THADA: variants seen among roughly 807,000 people sequenced by gnomAD.
THADA encodes tRNA (32-2'-O)-methyltransferase regulator THADA.
THADA carries 213 observed loss-of-function variants against 219.8 expected under a neutral mutation model. The observed-to-expected ratio is 0.97, with a 90% CI of 0.87 to 1.09. THADA has a LOEUF of 1.09. Ranked by LOEUF, THADA falls within the 50% of genes least tolerant of loss-of-function variation. The pLI is 0.00. For missense variants in THADA, 2,956 were observed against 2,311.3 expected (o/e 1.28, Z -5.72); for synonymous variants, 1,018 against 828.9 (o/e 1.23, Z -3.92).
At chr2:43,525,762 T>A (rs1002600084) in intron 22 of THADA, among the ~76,000 whole-genome samples, 5 of 152,132 alleles carry the variant, frequency 3.3e-5, no homozygotes, top group African/African-American at 1.2e-4. Flanking sequence ...TGTAATAAAA[T>A]GTGTCCACAG....
intron 17 of THADA, 87 bp downstream of exon 17, chr2:43,556,258 A>C (rs1419059026): frequency 6.5e-7 from 1 of 1,535,622 alleles, no homozygotes; most frequent in East Asian, 2.3e-5. Flanking sequence ...AAAACCACAA[A>C]ATATATGTTT....
chr2:43,279,712 C>T, intron 36 of THADA, 53 bp downstream of exon 36: 1 of 1,510,298 alleles, frequency 6.6e-7, no homozygotes, highest in Non-Finnish European at 8.8e-7. Flanking sequence ...GAAAAGTGTT[C>T]CAACCTCTAT....
intron 21 of THADA, among the ~76,000 whole-genome samples, chr2:43,529,528 A>G (rs1693602589): frequency 6.6e-6 from 1 of 152,186 alleles, no homozygotes; most frequent in African/African-American, 2.4e-5. Flanking sequence ...ATTTATTTTA[A>G]AGAAAACAAA....
At chr2:43,233,649 G>C (rs376491332) in intron 36 of THADA, among the ~76,000 whole-genome samples, 2 of 152,120 alleles carry the variant, frequency 1.3e-5, no homozygotes. Flanking sequence ...GGCACTGAAA[G>C]AATAGAAGGG....
At chr2:43,280,969 G>A (rs1341289541) in intron 35 of THADA, among the ~76,000 whole-genome samples, 1 of 152,240 alleles carries the variant, frequency 6.6e-6, no homozygotes, top group African/African-American at 2.4e-5. Flanking sequence ...AAAGTGAGAG[G>A]TGAGCATGGC....
At chr2:43,330,404 T>C (rs1019971876) in intron 30 of THADA, among the ~76,000 whole-genome samples, 6 of 152,138 alleles carry the variant, frequency 3.9e-5, no homozygotes, top group African/African-American at 1.4e-4. Context: ...TCCAAGATGC[T>C]CCCTTGGCCC....
intron 29 of THADA, among the ~76,000 whole-genome samples, chr2:43,351,524 T>C (rs72879218): frequency 0.019 from 2,831 of 152,324 alleles, 43 homozygotes; most frequent in African/African-American, 0.047. Flanking sequence ...TAAAACTCAC[T>C]GTTTTTCTCT....
At chr2:43,566,541 C>T in intron 15 of THADA, 157 bp downstream of exon 15, 1 of 851,398 alleles carries the variant, frequency 1.2e-6, no homozygotes, top group Non-Finnish European at 2.0e-6. Flanking sequence ...CTGTCCTTTA[C>T]TAGCAAATTT....
intron 29 of THADA, among the ~76,000 whole-genome samples, chr2:43,383,794 C>G (rs534663966): frequency 6.6e-6 from 1 of 152,232 alleles, no homozygotes; most frequent in Middle Eastern, 3.4e-3. Flanking sequence ...TAACACTCCA[C>G]AGCAACCTAT....
intron 31 of THADA, among the ~76,000 whole-genome samples, chr2:43,311,771 T>G (rs1262532349): frequency 1.3e-5 from 2 of 152,258 alleles, no homozygotes; most frequent in Admixed American, 1.3e-4. Context: ...AAGGTATGAT[T>G]CCATTTACAT....
intron 29 of THADA, among the ~76,000 whole-genome samples, chr2:43,381,166 C>T (rs74830312): frequency 0.02 from 2,930 of 148,560 alleles, 87 homozygotes; most frequent in African/African-American, 0.066. Context: ...ATGTCAAAGG[C>T]ACCCAGGAGC....
intron 29 of THADA, 143 bp from the exon 30 acceptor site, chr2:43,344,380 A>G: frequency 6.7e-6 from 4 of 598,192 alleles, no homozygotes; most frequent in Non-Finnish European, 1.2e-5. Flanking sequence ...CTTTGCAGAA[A>G]GGCATGTTGG....
intron 16 of THADA, among the ~76,000 whole-genome samples, chr2:43,557,910 T>A (rs1454886135): frequency 1.3e-5 from 2 of 152,260 alleles, no homozygotes; most frequent in Non-Finnish European, 2.9e-5. Flanking sequence ...TCAATTTAAA[T>A]TCTTTACCAT....
chr2:43,485,189 T>C (rs774929761), intron 26 of THADA, 45 bp downstream of exon 26: 46 of 1,462,498 alleles, frequency 3.1e-5, no homozygotes, highest in South Asian at 2.2e-4. Flanking sequence ...CAGGACAATA[T>C]TGTATTTTTT....
chr2:43,523,515 C>T (rs1031588156), intron 22 of THADA, among the ~76,000 whole-genome samples: 1 of 152,112 alleles, frequency 6.6e-6, no homozygotes, highest in Non-Finnish European at 1.5e-5. Flanking sequence ...GTCTTTCATT[C>T]TCCAGAAAGG....
chr2:43,556,585 C>G, intron 16 of THADA, 30 bp from the exon 17 acceptor site: 1 of 1,581,966 alleles, frequency 6.3e-7, no homozygotes, highest in Non-Finnish European at 8.6e-7. Flanking sequence ...CAGTAACTGT[C>G]AAATTAAAGA....
intron 24 of THADA, among the ~76,000 whole-genome samples, chr2:43,499,328 G>A (rs1478056617): frequency 6.6e-6 from 1 of 152,042 alleles, no homozygotes; most frequent in African/African-American, 2.4e-5. Context: ...TATAGATTAT[G>A]CTCTGATCAC....
intron 30 of THADA, among the ~76,000 whole-genome samples, chr2:43,337,492 C>T (rs535271361): frequency 3.9e-5 from 6 of 152,280 alleles, no homozygotes; most frequent in Admixed American, 6.5e-5. Context: ...GCATTCAAAA[C>T]GTAAAAGTTT....
In THADA at chr2:43,524,601, C is replaced by T. The variant is rs532290903; in HGVS notation, c.3374+3278G>A. ...GCTCTCAAAAGGGCTCCAAAAGAAACAAATTTTCTTTTAAAAATAAAAACC... is the reference window on the plus strand; with the variant it reads ...GCTCTCAAAAGGGCTCCAAAAGAAATAAATTTTCTTTTAAAAATAAAAACC... On this transcript the variant is annotated intron_variant, in intron 22 of 37. Coordinates refer to ENST00000405975, the MANE Select transcript of THADA (RefSeq NM_022065.5). Among the ~76,000 whole-genome samples, 13 of 152,202 alleles carry T rather than the reference C, an allele frequency of 8.5e-5. No homozygotes were observed. The South Asian group carries it at 2.3e-3, about 27-fold the overall frequency.
Sources: gnomAD v4.1 joint callset for allele counts (sites outside exome capture counted in the v4.1 genomes callset) on GRCh38, gnomAD v4.1.1 for gene constraint, MANE v1.5 for transcripts, NCBI Gene and HGNC (gene_info 2026-07-23, HGNC 2026-07-21) for gene names.